Variants in CEP85L observed in about 807,000 individuals in gnomAD.
The protein encoded by CEP85L is centrosomal protein of 85 kDa-like.
CEP85L carries 60 observed loss-of-function variants against 100.3 expected under a neutral mutation model. The observed-to-expected ratio is 0.60, with a 90% CI of 0.49 to 0.74. The LOEUF is 0.74. Ranked by LOEUF, CEP85L falls within the 30% of genes least tolerant of loss-of-function variation. The pLI is 0.00. For synonymous variants in CEP85L, 319 were observed against 322.7 expected (o/e 0.99, Z 0.12); for missense variants, 973 against 936.2 (o/e 1.04, Z -0.51).
At chr6:118,570,997 G>A (rs1779853985) in intron 2 of CEP85L, among the ~76,000 whole-genome samples, 1 of 151,462 alleles carries the variant, frequency 6.6e-6, no homozygotes, top group Non-Finnish European at 1.5e-5. Flanking sequence ...ATTTATAAGA[G>A]AATTAAATAT....
chr6:118,687,577 A>G (rs891396766), intron 1 of CEP85L, among the ~76,000 whole-genome samples: 1 of 152,238 alleles, frequency 6.6e-6, no homozygotes, highest in Non-Finnish European at 1.5e-5. Flanking sequence ...CTCTTGCCTG[A>G]GAGCACAGGG....
intron 1 of CEP85L, among the ~76,000 whole-genome samples, chr6:118,670,186 G>A (rs1776256302): frequency 6.6e-6 from 1 of 150,756 alleles, no homozygotes; most frequent in African/African-American, 2.4e-5. Context: ...GACTTGCTTT[G>A]ACTGAAGTTA....
intron 2 of CEP85L, among the ~76,000 whole-genome samples, chr6:118,571,007 T>C (rs1336451277): frequency 2.0e-5 from 3 of 151,900 alleles, no homozygotes; most frequent in Non-Finnish European, 4.4e-5. Flanking sequence ...GAATTAAATA[T>C]AAGAATTAAA....
intron 3 of CEP85L, among the ~76,000 whole-genome samples, chr6:118,535,006 G>A (rs1271434524): frequency 6.6e-6 from 1 of 152,120 alleles, no homozygotes; most frequent in Non-Finnish European, 1.5e-5. Flanking sequence ...TCCAGCCTGG[G>A]CGACAGTACA....
chr6:118,515,743 G>A (rs962471979), intron 4 of CEP85L, among the ~76,000 whole-genome samples: 2 of 151,990 alleles, frequency 1.3e-5, no homozygotes, highest in African/African-American at 4.8e-5. Context: ...TGATAAAGAA[G>A]AACTTAGAAA....
intron 4 of CEP85L, among the ~76,000 whole-genome samples, chr6:118,519,522 T>A: frequency 5.5e-5 from 1 of 18,026 alleles, no homozygotes; most frequent in Non-Finnish European, 9.8e-5. Flanking sequence ...GGCGGGGGGG[T>A]TGTGAAACTC....
chr6:118,514,524 C>CAAA (rs561316113), intron 4 of CEP85L, among the ~76,000 whole-genome samples: 28 of 87,454 alleles, frequency 3.2e-4, no homozygotes, highest in African/African-American at 8.0e-4. Context: ...GACACTGTCT[C>CAAA]AAAAAAAAAA....
chr6:118,548,965 T>C (rs1186344575), intron 3 of CEP85L, among the ~76,000 whole-genome samples: 1 of 152,006 alleles, frequency 6.6e-6, no homozygotes, highest in Non-Finnish European at 1.5e-5. Context: ...CTTGAGGATG[T>C]TTCCCCTCTA....
chr6:118,699,456 A>AG (rs1341264882), intron 1 of CEP85L, among the ~76,000 whole-genome samples: 1 of 139,354 alleles, frequency 7.2e-6, no homozygotes, highest in Non-Finnish European at 1.6e-5. Context: ...CCTTGTCTCA[A>AG]AAAAAAAAAA....
In CEP85L at chr6:118,566,316, T is replaced by A; in HGVS notation, c.233A>T (p.Asp78Val). The A allele has an allele frequency of 6.9e-6, 11 of 1,605,590 alleles. No individual in the cohort carries two copies. The highest frequency in any genetic ancestry group is 9.3e-6 in the Non-Finnish European group (11 of 1,176,782). ...TAATGTGCCACTTGAAGTTGAATGA[T>A]CTGGAAAGAAAAAAGATGGTCAAAT... ...IGTSCSDSVE[D>V]HSTSSGTLSF... The change falls in exon 3 of 13, where the codon GAT becomes GTT. Residue 78 changes from aspartate (D) to valine (V), a missense_variant and splice_region_variant. Asp to Val is a radical substitution (Grantham distance 152, BLOSUM62 -3). Around this residue, in one of 3 missense-constraint regions of CEP85L, gnomAD observed 890 missense variants for 844.5 expected, o/e 1.05. Coordinates refer to ENST00000368491, the MANE Select transcript of CEP85L (RefSeq NM_001042475.3).
At chr6:118,567,245 G>GTATATATATA (rs1779593418) in intron 2 of CEP85L, among the ~76,000 whole-genome samples, 1 of 31,636 alleles carries the variant, frequency 3.2e-5, no homozygotes, top group Non-Finnish European at 6.1e-5. Flanking sequence ...GTGTGTGTGT[G>GTATATATATA]TGTGTATATA....
chr6:118,495,591 A>G (rs1774867846), intron 5 of CEP85L, among the ~76,000 whole-genome samples: 1 of 152,206 alleles, frequency 6.6e-6, no homozygotes, highest in Non-Finnish European at 1.5e-5. Flanking sequence ...TAAGTCAATT[A>G]AACCTCTTTC....
intron 1 of CEP85L, among the ~76,000 whole-genome samples, chr6:118,707,306 A>T (rs1583277740): frequency 6.7e-6 from 1 of 148,216 alleles, no homozygotes; most frequent in Non-Finnish European, 1.5e-5. Context: ...TCCTCTCACC[A>T]CCTCAGCCTC....
intron 2 of CEP85L, among the ~76,000 whole-genome samples, chr6:118,582,592 T>G (rs1283004832): frequency 6.6e-6 from 1 of 152,000 alleles, no homozygotes; most frequent in Non-Finnish European, 1.5e-5. Context: ...ACGCAGGAAA[T>G]GAATGGAAAA....
At chr6:118,651,920 A>G (rs1775597037), upstream of CEP85L, 9 of 985,556 alleles carry the variant, frequency 9.1e-6, no homozygotes, top group Non-Finnish European at 9.6e-6. Flanking sequence ...GACACGTGGA[A>G]GACCTGCCCC....
At chr6:118,700,313 C>T (rs564147741) in intron 1 of CEP85L, among the ~76,000 whole-genome samples, 1 of 152,228 alleles carries the variant, frequency 6.6e-6, no homozygotes, top group Non-Finnish European at 1.5e-5. Context: ...TGGCTTCCTT[C>T]ACCTGTATTC....
intron 1 of CEP85L, among the ~76,000 whole-genome samples, chr6:118,650,257 C>G (rs1235957963): frequency 2.0e-5 from 3 of 152,160 alleles, no homozygotes; most frequent in Non-Finnish European, 4.4e-5. Flanking sequence ...GTCCATATAA[C>G]TCAGTTTCTC....
At chr6:118,638,502 A>G (rs987541037) in intron 1 of CEP85L, among the ~76,000 whole-genome samples, 1 of 151,196 alleles carries the variant, frequency 6.6e-6, no homozygotes, top group Non-Finnish European at 1.5e-5. Context: ...GTGATTTAAT[A>G]AGGAAAATTT....
At chr6:118,681,065 A>C (rs1474608934) in intron 1 of CEP85L, among the ~76,000 whole-genome samples, 3 of 152,234 alleles carry the variant, frequency 2.0e-5, no homozygotes, top group African/African-American at 7.2e-5. Context: ...TTGACAGTAC[A>C]CAAGAGCTTT....
Sources: allele counts gnomAD v4.1 joint callset (sites outside exome capture counted in the v4.1 genomes callset), GRCh38; gene constraint gnomAD v4.1.1; regional missense constraint gnomAD v4.1.1; transcripts MANE v1.5; gene names NCBI Gene and HGNC (gene_info 2026-07-23, HGNC 2026-07-21).